DCUN1D1: variants seen among roughly 807,000 people sequenced by gnomAD.
The protein encoded by DCUN1D1 is defective in cullin neddylation 1 domain containing 1, also known as DCN1-like protein 1.
A neutral mutation model predicts 39.0 loss-of-function variants in DCUN1D1; 3 were observed. The observed-to-expected ratio is 0.08, with a 90% CI of 0.04 to 0.20. The LOEUF (loss-of-function observed/expected upper bound fraction) is 0.20, where lower values mean the gene tolerates loss of function less well. Among genes scored for constraint, DCUN1D1 ranks in the 10% least tolerant of loss-of-function variants. The probability of loss-of-function intolerance (pLI) is 1.00; values close to 1 mark genes in which losing one functional copy is unlikely to be tolerated. For missense variants in DCUN1D1, 158 were observed against 302.4 expected (o/e 0.52, Z 3.54); for synonymous variants, 82 against 96.3 (o/e 0.85, Z 0.87).
chr3:182,966,704 T>G (rs1052938608), intron 1 of DCUN1D1, among the ~76,000 whole-genome samples: 2 of 152,196 alleles, frequency 1.3e-5, no homozygotes, highest in Admixed American at 1.3e-4. Context: ...ACTGTTACTC[T>G]TCCTCCTCCC....
rs549101608 is a variant in DCUN1D1 at position 182,944,937 on chromosome 3, A to T, written c.*157T>A. The T allele has an allele frequency of 1.8e-5, 11 of 600,672 alleles. No homozygotes were observed. Among genetic ancestry groups the T allele is most frequent in the Middle Eastern group, 4.5e-4 (1 of 2,246 alleles). 37.2% of individuals were successfully genotyped at this position (600,672 alleles called of 1,614,324 possible). A position where few individuals can be genotyped will look rare whatever the true frequency, so the allele number is the denominator to read the frequency against. On this transcript the variant is annotated 3_prime_UTR_variant, in exon 7 of 7. Coordinates refer to ENST00000292782, the MANE Select transcript of DCUN1D1 (RefSeq NM_020640.4). ...ACCACCATTAGAAGAATGAAATACG[A>T]TATGGTCCAAGATGTATCCTTAAAG...
intron 4 of DCUN1D1, among the ~76,000 whole-genome samples, chr3:182,951,617 CAAAAAAAAAAAAAA>C (rs748698621): frequency 2.5e-4 from 11 of 44,382 alleles, no homozygotes; most frequent in East Asian, 1.0e-3. Flanking sequence ...CCCTGTCTCC[CAAAAAAAAAAAAAA>C]AAAAAAAAAA....
chr3:182,947,092 A>G, intron 6 of DCUN1D1, 146 bp downstream of exon 6: 1 of 578,396 alleles, frequency 1.7e-6, no homozygotes, highest in Non-Finnish European at 3.0e-6. Flanking sequence ...ACAGAATGAG[A>G]CTCTATCTCA....
intron 1 of DCUN1D1, 88 bp from the exon 2 acceptor site, chr3:182,965,841 A>G (rs1380653556): frequency 4.8e-6 from 4 of 828,942 alleles, no homozygotes; most frequent in Non-Finnish European, 7.7e-6. Context: ...ATTCTTAGTA[A>G]TACTTTTTCC....
At chr3:182,982,100 T>C (rs1728573841), upstream of DCUN1D1, among the ~76,000 whole-genome samples, 1 of 152,212 alleles carries the variant, frequency 6.6e-6, no homozygotes. Flanking sequence ...AAATAATCGT[T>C]TGTGGGTTTT....
rs35882819 is a variant in DCUN1D1 at position 182,939,676 on chromosome 3, G to A, written c.*5418C>T. 6.6e-6 allele frequency: 1 copy of A among 152,350 alleles called. No individual in the cohort carries two copies. The highest frequency in any genetic ancestry group is 2.1e-4 in the South Asian group (1 of 4,830). The allele number at this position is 152,350 out of a possible 1,614,324, so 9.4% of individuals were successfully genotyped here. A position where few individuals can be genotyped will look rare whatever the true frequency, so the allele number is the denominator to read the frequency against. ...TCTGTACAGAAAGCAGATCAGTGTGGCTGCGTGGGGCTGGAGGCAGGAGCA... is the reference window on the plus strand; with the variant it reads ...TCTGTACAGAAAGCAGATCAGTGTGACTGCGTGGGGCTGGAGGCAGGAGCA... On this transcript the variant is annotated 3_prime_UTR_variant, in exon 7 of 7. Transcript: ENST00000292782.
In DCUN1D1 at chr3:182,956,493, T is replaced by C. The variant is rs559040169; in HGVS notation, c.520+4733A>G. On this transcript the variant is annotated intron_variant, in intron 4 of 6. Coordinates refer to ENST00000292782, the MANE Select transcript of DCUN1D1 (RefSeq NM_020640.4). ...ACCACTCTCCAGTTAGGCGACCTTA[T>C]TAACAAGTCAGTCTCTCTGGCTATG... Among the ~76,000 whole-genome samples, 6 of 152,330 alleles carry C rather than the reference T, an allele frequency of 3.9e-5. No individual in the cohort carries two copies. The South Asian group carries it at 1.0e-3, about 26-fold the overall frequency.
chr3:182,978,542 T>A (rs1057481622), intron 1 of DCUN1D1, among the ~76,000 whole-genome samples: 1 of 151,920 alleles, frequency 6.6e-6, no homozygotes, highest in Non-Finnish European at 1.5e-5. Flanking sequence ...TGCTTGGCTA[T>A]TTTTTTTCCT....
intron 4 of DCUN1D1, among the ~76,000 whole-genome samples, chr3:182,953,628 T>C (rs1726868327): frequency 6.6e-6 from 1 of 152,242 alleles, no homozygotes; most frequent in African/African-American, 2.4e-5. Flanking sequence ...GTAAATAACA[T>C]ATCAGTTCTT....
Position 182,980,523 on chromosome 3 carries a change from C to G in DCUN1D1, c.-34G>C. The G allele has an allele frequency of 8.1e-7, 1 of 1,237,216 alleles. No homozygotes were observed. The highest frequency in any genetic ancestry group is 1.9e-5 in the South Asian group (1 of 52,448). 76.6% of individuals were successfully genotyped at this position (1,237,216 alleles called of 1,614,324 possible). ...CCTCCAGGCCTCTCCCCTCCTCCTC[C>G]GGCTCCGCAGCGAATGGACGGCGGC... is the stretch of plus-strand genomic sequence containing the variant. On this transcript the variant is annotated 5_prime_UTR_variant, in exon 1 of 7. Coordinates refer to ENST00000292782, the MANE Select transcript of DCUN1D1 (RefSeq NM_020640.4).
intron 2 of DCUN1D1, among the ~76,000 whole-genome samples, chr3:182,964,308 T>C (rs1276436970): frequency 6.6e-6 from 1 of 152,222 alleles, no homozygotes; most frequent in Non-Finnish European, 1.5e-5. Context: ...TGTCCCATAC[T>C]TATACACATT....
At chr3:182,945,942 G>C (rs569074481) in intron 6 of DCUN1D1, among the ~76,000 whole-genome samples, 1 of 152,038 alleles carries the variant, frequency 6.6e-6, no homozygotes, top group Non-Finnish European at 1.5e-5. Context: ...AAACGACAAC[G>C]AAATGAAGAA....
At chr3:182,945,839 G>A (rs915205930) in intron 6 of DCUN1D1, among the ~76,000 whole-genome samples, 1 of 152,116 alleles carries the variant, frequency 6.6e-6, no homozygotes, top group African/African-American at 2.4e-5. Flanking sequence ...CACCAAGTCA[G>A]AAAGCTCTCC....
chr3:182,963,253 A>G (rs1354385246), intron 3 of DCUN1D1, among the ~76,000 whole-genome samples: 1 of 152,256 alleles, frequency 6.6e-6, no homozygotes, highest in African/African-American at 2.4e-5. Context: ...AGGTAGGAGA[A>G]GTACTTAGCA....
chr3:182,968,757 G>A (rs1002221550), intron 1 of DCUN1D1, among the ~76,000 whole-genome samples: 15 of 151,966 alleles, frequency 9.9e-5, no homozygotes, highest in East Asian at 3.9e-4. Context: ...GCACTGCTGC[G>A]CCCAGCTGAT....
At chr3:182,964,083 TC>T (rs1477536544) in intron 2 of DCUN1D1, 34 bp from the exon 3 acceptor site, 1 of 1,556,628 alleles carries the variant, frequency 6.4e-7, no homozygotes, top group Non-Finnish European at 8.8e-7. Flanking sequence ...TAAAGTAGTG[TC>T]ATATTATGCT....
In DCUN1D1 at chr3:182,939,971, G is replaced by A. The variant is rs993858387; in HGVS notation, c.*5123C>T. On this transcript the variant is annotated 3_prime_UTR_variant, in exon 7 of 7. Coordinates refer to ENST00000292782, the MANE Select transcript of DCUN1D1 (RefSeq NM_020640.4). ...TATACTATTAGGATTAAGAACATTA[G>A]CATTTGCTTGAAAACTAAACACGCT... 4 of 152,162 alleles carry A rather than the reference G, an allele frequency of 2.6e-5. No homozygotes were observed. The highest frequency in any genetic ancestry group is 9.7e-5 in the African/African-American group (4 of 41,440). The allele number at this position is 152,162 out of a possible 1,614,324, so 9.4% of individuals were successfully genotyped here.
upstream of DCUN1D1, chr3:182,980,559 G>GCGGCGT: frequency 8.4e-7 from 1 of 1,193,204 alleles, no homozygotes; most frequent in Admixed American, 3.3e-5. Context: ...GGCGGCGGCG[G>GCGGCGT]CTCCTCTCAC....
At chr3:182,954,632 T>C (rs1278315031) in intron 4 of DCUN1D1, among the ~76,000 whole-genome samples, 1 of 152,160 alleles carries the variant, frequency 6.6e-6, no homozygotes, top group East Asian at 1.9e-4. Flanking sequence ...GTAAAAACAA[T>C]GTGATGAGGT....
Sources: gnomAD v4.1 joint callset for allele counts (sites outside exome capture counted in the v4.1 genomes callset) on GRCh38, gnomAD v4.1.1 for gene constraint, MANE v1.5 for transcripts, NCBI Gene and HGNC (gene_info 2026-07-23, HGNC 2026-07-21) for gene names.